The following STK32B variants were observed in gnomAD, a reference collection of about 807,000 sequenced individuals.
STK32B encodes serine/threonine kinase 32B, also known as serine/threonine-protein kinase 32B.
In STK32B, 43 loss-of-function variants were observed where a neutral mutation model predicts 52.6. That is an observed-to-expected ratio of 0.82 (90% CI 0.64 to 1.05). The LOEUF is 1.05. STK32B is among the 50% of genes least tolerant of loss of function. The pLI, the probability that STK32B is intolerant of heterozygous loss-of-function variation, is 0.00. For missense variants in STK32B, 621 were observed against 534.6 expected (o/e 1.16, Z -1.59); for synonymous variants, 238 against 204.3 (o/e 1.17, Z -1.41).
the STK32B span, among the ~76,000 whole-genome samples, chr4:5,021,590 T>C: frequency 0.12 from 18,202 of 152,198 alleles, 1,661 homozygotes; most frequent in African/African-American, 0.26. Context: ...AACAAGCCCA[T>C]GGACCAAACA....
intron 2 of STK32B, among the ~76,000 whole-genome samples, chr4:5,160,756 AG>A (rs1162203709): frequency 1.3e-5 from 2 of 152,218 alleles, no homozygotes; most frequent in Non-Finnish European, 2.9e-5. Context: ...TTCACAACTC[AG>A]TAGGGGGAGT....
intron 11 of STK32B, among the ~76,000 whole-genome samples, chr4:5,492,433 G>C (rs1166201169): frequency 6.6e-6 from 1 of 152,142 alleles, no homozygotes; most frequent in Non-Finnish European, 1.5e-5. Flanking sequence ...TTTGTATCCT[G>C]AGACTTTGCT....
chr4:5,128,332 C>T (rs1311395899), intron 1 of STK32B, among the ~76,000 whole-genome samples: 1 of 152,210 alleles, frequency 6.6e-6, no homozygotes, highest in Admixed American at 6.5e-5. Context: ...GCGGTGTTTG[C>T]TTTCGAGGAA....
rs145717910 is a variant in STK32B at position 5,122,061 on chromosome 4, C to T, written c.53-17844C>T. 3.8e-3 allele frequency among the ~76,000 whole-genome samples: 586 copies of T among 152,232 alleles called. 3 individuals are homozygous for T. Among genetic ancestry groups the T allele is most frequent in the African/African-American group, 0.012 (491 of 41,542 alleles). ...TCATTCATTCACTCGCTCATTCATTCACTAATTCACATACTCATTCTCTCA... is the reference window on the plus strand; with the variant it reads ...TCATTCATTCACTCGCTCATTCATTTACTAATTCACATACTCATTCTCTCA... On this transcript the variant is annotated intron_variant, in intron 1 of 11. Coordinates refer to ENST00000282908, the MANE Select transcript of STK32B (RefSeq NM_018401.3).
rs147489845 is a variant in STK32B, at chr4:5,446,728, C to T, written c.618C>T (p.Val206=). The change falls in exon 7 of 12, where the codon GTC becomes GTT. Residue 206 remains valine, a synonymous_variant. Transcript: ENST00000282908. ...MDRGPGYSYP[V]DWWSLGITAY... Reference sequence around the variant, plus strand: ...GAGGCCCCGGATACTCGTACCCTGTCGACTGGTGGTCCCTGGGCATCACAG... The same window carrying T: ...GAGGCCCCGGATACTCGTACCCTGTTGACTGGTGGTCCCTGGGCATCACAG... 3.5e-5 allele frequency: 57 copies of T among 1,613,982 alleles called. No individual in the cohort carries two copies. The highest frequency in any genetic ancestry group is 2.7e-4 in the East Asian group (12 of 44,872).
chr4:5,496,415 T>G (rs945698613), intron 11 of STK32B, among the ~76,000 whole-genome samples: 1 of 152,230 alleles, frequency 6.6e-6, no homozygotes, highest in Non-Finnish European at 1.5e-5. Flanking sequence ...CACCGTTTTT[T>G]AAGCCCTTCG....
chr4:5,084,400 C>G (rs887353263), intron 1 of STK32B, among the ~76,000 whole-genome samples: 5 of 152,032 alleles, frequency 3.3e-5, no homozygotes, highest in Non-Finnish European at 7.4e-5. Context: ...AGATAGTTAA[C>G]ATGAGTGGAA....
At chr4:5,271,611 C>T (rs920796257) in intron 3 of STK32B, among the ~76,000 whole-genome samples, 9 of 147,508 alleles carry the variant, frequency 6.1e-5, no homozygotes, top group South Asian at 4.3e-4. Context: ...GCCATTTTCA[C>T]GATATTGATT....
chr4:5,160,824 G>A (rs1363870668), intron 2 of STK32B, among the ~76,000 whole-genome samples: 4 of 152,218 alleles, frequency 2.6e-5, no homozygotes, highest in Non-Finnish European at 5.9e-5. Context: ...CAGCAGAGAG[G>A]GAGGCTGGGG....
intron 3 of STK32B, among the ~76,000 whole-genome samples, chr4:5,318,756 T>C (rs1731285818): frequency 6.6e-6 from 1 of 152,080 alleles, no homozygotes; most frequent in South Asian, 2.1e-4. Context: ...AAGGATGCAG[T>C]GGGCTGGATT....
chr4:5,332,559 A>G (rs976949343), intron 4 of STK32B, among the ~76,000 whole-genome samples: 2 of 151,998 alleles, frequency 1.3e-5, no homozygotes, highest in South Asian at 2.1e-4. Flanking sequence ...GGTTAGTTAC[A>G]TATGTATACA....
intron 3 of STK32B, among the ~76,000 whole-genome samples, chr4:5,272,626 C>T (rs1180984782): frequency 1.3e-5 from 2 of 152,028 alleles, no homozygotes; most frequent in African/African-American, 2.4e-5. Flanking sequence ...CAGCATGGTG[C>T]TGGTACCAAA....
chr4:5,198,034 C>T (rs1000242548), intron 3 of STK32B, among the ~76,000 whole-genome samples: 1 of 151,728 alleles, frequency 6.6e-6, no homozygotes, highest in Admixed American at 6.6e-5. Context: ...CTTCAAAATG[C>T]TTGAAATGTG....
At chr4:5,383,654 C>T (rs1736066845) in intron 4 of STK32B, among the ~76,000 whole-genome samples, 1 of 152,140 alleles carries the variant, frequency 6.6e-6, no homozygotes, top group Non-Finnish European at 1.5e-5. Context: ...GGGTGCTGCA[C>T]TGGTAATAGG....
In STK32B at chr4:5,467,246, A is replaced by AT. The variant is rs959264195; in HGVS notation, c.1041+414dup. Among the ~76,000 whole-genome samples, 1 of 152,068 alleles carries AT rather than the reference A, an allele frequency of 6.6e-6. No individual in the cohort carries two copies. Among genetic ancestry groups the AT allele is most frequent in the African/African-American group, 2.4e-5 (1 of 41,404 alleles). On this transcript the variant is annotated intron_variant, in intron 10 of 11. Coordinates refer to ENST00000282908, the MANE Select transcript of STK32B (RefSeq NM_018401.3). The surrounding 1 kb of genome is among the most constrained non-coding windows in gnomAD (Gnocchi z 5.8). ...AGGTGGCTTAAAACAACCCACATTG[A>AT]TTCTCTCACGGTTCTGGAGGCCAGA...
intron 3 of STK32B, among the ~76,000 whole-genome samples, chr4:5,236,564 A>G (rs1228409467): frequency 6.6e-6 from 1 of 152,140 alleles, no homozygotes; most frequent in South Asian, 2.1e-4. Flanking sequence ...ACTTTATATA[A>G]TGCAATCATA....
chr4:5,108,752 C>T (rs1462328915), intron 1 of STK32B, among the ~76,000 whole-genome samples: 1 of 152,146 alleles, frequency 6.6e-6, no homozygotes, highest in Non-Finnish European at 1.5e-5. Context: ...TCAGTATCAC[C>T]TGAAAACCTG....
chr4:5,253,945 C>T (rs906157626), intron 3 of STK32B, among the ~76,000 whole-genome samples: 5 of 152,102 alleles, frequency 3.3e-5, no homozygotes, highest in African/African-American at 4.8e-5. Context: ...AGCCACCGTG[C>T]GTGGCTAATT....
chr4:5,316,350 CATATATTATATATATTATATATATTAATT>C (rs1730736734), intron 3 of STK32B, among the ~76,000 whole-genome samples: 1 of 26,090 alleles, frequency 3.8e-5, no homozygotes, highest in Non-Finnish European at 5.2e-5. Flanking sequence ...TATATTATAT[CATATATTATATATATTATATATATTAATT>C]ATATATATAA....
Sources: gnomAD v4.1 joint callset for allele counts (sites outside exome capture counted in the v4.1 genomes callset) on GRCh38, gnomAD v4.1.1 for gene constraint, Gnocchi (gnomAD v3.1) non-coding constraint, MANE v1.5 for transcripts, NCBI Gene and HGNC (gene_info 2026-07-23, HGNC 2026-07-21) for gene names.